THRB: variants seen among roughly 807,000 people sequenced by gnomAD.
THRB encodes thyroid hormone receptor beta, also known as nuclear receptor subfamily 1 group A member 2.
Under a neutral mutation model 47.8 loss-of-function variants are expected in THRB, and 12 were observed. The observed-to-expected ratio is 0.25, with a 90% CI of 0.16 to 0.41. The LOEUF is 0.41. Ranked by LOEUF, THRB falls within the 10% of genes least tolerant of loss-of-function variation. The pLI, the probability that THRB is intolerant of heterozygous loss-of-function variation, is 1.00. For missense variants in THRB, 348 were observed against 589.2 expected, an observed-to-expected ratio of 0.59 and a Z score of 4.24; for synonymous variants, 218 against 212.2, an observed-to-expected ratio of 1.03 and a Z score of -0.24.
Position 24,119,131 on chromosome 3 carries a change from T to C in THRB, c.*3753A>G, listed in dbSNP as rs2031191579. 6.6e-6 allele frequency: 1 copy of C among 152,470 alleles called. No homozygotes were observed. The highest frequency in any genetic ancestry group is 2.4e-5 in the African/African-American group (1 of 41,398). 9.4% of individuals were successfully genotyped at this position (152,470 alleles called of 1,614,324 possible). A position where few individuals can be genotyped will look rare whatever the true frequency, so the allele number is the denominator to read the frequency against. On this transcript the variant is annotated 3_prime_UTR_variant, in exon 11 of 11. Coordinates refer to ENST00000646209, the MANE Select transcript of THRB (RefSeq NM_001354712.2). ...TCACAGTACAATAAAATTTCTTCTCTATAAAATTTAAATATGGATTATAGT... is the reference window on the plus strand; with the variant it reads ...TCACAGTACAATAAAATTTCTTCTCCATAAAATTTAAATATGGATTATAGT...
At chr3:24,231,811 G>C (rs1228019228) in intron 3 of THRB, among the ~76,000 whole-genome samples, 1 of 152,168 alleles carries the variant, frequency 6.6e-6, no homozygotes, top group African/African-American at 2.4e-5. Context: ...CCTTGGCAGA[G>C]GCCTGGAGCT....
chr3:24,460,379 C>T (rs2073586439), intron 1 of THRB, among the ~76,000 whole-genome samples: 1 of 152,142 alleles, frequency 6.6e-6, no homozygotes, highest in African/African-American at 2.4e-5. Flanking sequence ...AAAGTTTACC[C>T]TCAATTATCT....
chr3:24,341,907 C>T (rs1425894039), intron 1 of THRB, among the ~76,000 whole-genome samples: 1 of 152,112 alleles, frequency 6.6e-6, no homozygotes, highest in Non-Finnish European at 1.5e-5. Flanking sequence ...CCAGCCAAGT[C>T]CCATCCATAT....
intron 1 of THRB, among the ~76,000 whole-genome samples, chr3:24,373,819 C>T (rs1017073842): frequency 1.3e-5 from 2 of 152,060 alleles, no homozygotes; most frequent in African/African-American, 4.8e-5. Flanking sequence ...TAAGTCTTGG[C>T]CAATACCAGT....
At chr3:24,161,532 G>A (rs1333933116) in intron 5 of THRB, among the ~76,000 whole-genome samples, 1 of 151,654 alleles carries the variant, frequency 6.6e-6, no homozygotes, top group Non-Finnish European at 1.5e-5. Context: ...AGGAAAGCTT[G>A]AGAAAGAAAC....
At chr3:24,129,548 A>G (rs1212954502) in intron 9 of THRB, among the ~76,000 whole-genome samples, 4 of 152,268 alleles carry the variant, frequency 2.6e-5, no homozygotes, top group Admixed American at 6.5e-5. Context: ...TAAAAGCTGA[A>G]TAAGTATTTG....
intron 3 of THRB, among the ~76,000 whole-genome samples, chr3:24,263,384 G>C (rs1299341313): frequency 6.6e-6 from 1 of 152,092 alleles, no homozygotes; most frequent in Non-Finnish European, 1.5e-5. Flanking sequence ...AGGTAAAGTG[G>C]CTTGCTCAAG....
At chr3:24,188,760 A>ACACACACACACGTG (rs2042933440) in intron 5 of THRB, among the ~76,000 whole-genome samples, 1 of 47,326 alleles carries the variant, frequency 2.1e-5, no homozygotes, top group East Asian at 1.5e-3. Flanking sequence ...ACACACGTGC[A>ACACACACACACGTG]CACACACACA....
At chr3:24,438,065 CAGTT>C (rs554138160) in intron 1 of THRB, among the ~76,000 whole-genome samples, 385 of 137,020 alleles carry the variant, frequency 2.8e-3, no homozygotes, top group African/African-American at 9.4e-3. Flanking sequence ...ATGAGACTGA[CAGTT>C]AGGTGGGGCA....
At chr3:24,289,968 A>G (rs1485002918) in intron 3 of THRB, among the ~76,000 whole-genome samples, 1 of 152,170 alleles carries the variant, frequency 6.6e-6, no homozygotes, top group Non-Finnish European at 1.5e-5. Flanking sequence ...TTACTTTTAA[A>G]GTCAATGCCT....
At chr3:24,417,135 C>T (rs375680369) in intron 1 of THRB, among the ~76,000 whole-genome samples, 1,298 of 48,816 alleles carry the variant, frequency 0.027, 13 homozygotes, top group Middle Eastern at 0.1. Context: ...CACACACACA[C>T]ACACGCGCAA....
Position 24,280,098 on chromosome 3 carries a change from G to A in THRB, c.-43+17128C>T, listed in dbSNP as rs115963229. Among the ~76,000 whole-genome samples the A allele has an allele frequency of 5.9e-3, 903 of 152,210 alleles. 14 individuals are homozygous for A. Among genetic ancestry groups the A allele is most frequent in the African/African-American group, 0.02 (833 of 41,514 alleles). ...TCTTTCCTTCATAAGCTATAGAACC[G>A]GGGGAGGAGCCAAGATGGCCAAATA... On this transcript the variant is annotated intron_variant, in intron 3 of 10. Coordinates refer to ENST00000646209, the MANE Select transcript of THRB (RefSeq NM_001354712.2).
At chr3:24,371,172 AGG>A (rs1443147808) in intron 1 of THRB, among the ~76,000 whole-genome samples, 1 of 152,114 alleles carries the variant, frequency 6.6e-6, no homozygotes, top group African/African-American at 2.4e-5. Flanking sequence ...TATCTACATT[AGG>A]CAGACATCCA....
chr3:24,181,715 C>T (rs4858583), intron 5 of THRB, among the ~76,000 whole-genome samples: 62,772 of 152,044 alleles, frequency 0.41, 13,474 homozygotes, highest in African/African-American at 0.54. Flanking sequence ...GGCAGTCCTG[C>T]TCCTTATTAT....
At chr3:24,476,891 G>A (rs1003556401) in intron 1 of THRB, among the ~76,000 whole-genome samples, 2 of 152,010 alleles carry the variant, frequency 1.3e-5, no homozygotes, top group African/African-American at 4.8e-5. Flanking sequence ...AATCTCAACT[G>A]AAGAAAATGA....
At chr3:24,123,270 T>TCCCTGGA in intron 10 of THRB, 145 bp from the exon 11 acceptor site, 1 of 1,165,218 alleles carries the variant, frequency 8.6e-7, no homozygotes, top group Non-Finnish European at 1.3e-6. Flanking sequence ...TGAACTCTGG[T>TCCCTGGA]GCTCCAGGGA....
At chr3:24,327,269 G>A (rs1407939976) in intron 2 of THRB, among the ~76,000 whole-genome samples, 2 of 146,914 alleles carry the variant, frequency 1.4e-5, no homozygotes, top group Non-Finnish European at 1.5e-5. Context: ...CCCCCCCACC[G>A]CCACCCTCAT....
intron 1 of THRB, among the ~76,000 whole-genome samples, chr3:24,487,223 T>G (rs1372810720): frequency 6.6e-6 from 1 of 152,092 alleles, no homozygotes; most frequent in East Asian, 1.9e-4. Flanking sequence ...TTGTCACTTT[T>G]TATGAACTGT....
Position 24,391,381 on chromosome 3 carries a change from A to T in THRB, c.-260-54010T>A, listed in dbSNP as rs2149979321. Among the ~76,000 whole-genome samples the T allele has an allele frequency of 1.3e-5, 2 of 152,262 alleles. 1 individual carries two copies. The highest frequency in any genetic ancestry group is 4.1e-4 in the South Asian group (2 of 4,826). On this transcript the variant is annotated intron_variant, in intron 1 of 10. Coordinates refer to ENST00000646209, the MANE Select transcript of THRB (RefSeq NM_001354712.2). ...CATGCTGTCATCCCACATTTGTGGC[A>T]ATGAAAACGTTTACTCTCCTACATC...
Sources: gnomAD v4.1 joint callset for allele counts (sites outside exome capture counted in the v4.1 genomes callset) on GRCh38, gnomAD v4.1.1 for gene constraint, MANE v1.5 for transcripts, NCBI Gene and HGNC (gene_info 2026-07-23, HGNC 2026-07-21) for gene names.